The following XXYLT1 variants were observed in gnomAD, a reference collection of about 807,000 sequenced individuals.
XXYLT1 encodes the protein UDP-xylose:alpha-xyloside alpha-1,3-xylosyltransferase.
In XXYLT1, 20 loss-of-function variants were observed where a neutral mutation model predicts 28.9. The ratio of observed to expected loss-of-function variants is 0.69; its 90% CI spans 0.49 to 1.00. XXYLT1 has a LOEUF of 1.00. Among genes scored for constraint, XXYLT1 ranks in the 50% least tolerant of loss-of-function variants. The pLI is 0.00. For missense variants in XXYLT1, 542 were observed against 560.1 expected (o/e 0.97, Z 0.33); for synonymous variants, 257 against 253.8 (o/e 1.01, Z -0.12).
chr3:195,080,577 T>C (rs1715378290), intron 3 of XXYLT1, among the ~76,000 whole-genome samples: 1 of 151,690 alleles, frequency 6.6e-6, no homozygotes, highest in African/African-American at 2.4e-5. Context: ...TTTGTCAGAG[T>C]GAAGACAAAA....
At chr3:195,128,852 TG>T (rs748348143) in intron 3 of XXYLT1, among the ~76,000 whole-genome samples, 1 of 152,200 alleles carries the variant, frequency 6.6e-6, no homozygotes. Context: ...CTTAAAACAC[TG>T]GTACACAATA....
At chr3:195,139,421 T>G (rs1433925583) in intron 3 of XXYLT1, among the ~76,000 whole-genome samples, 1 of 152,218 alleles carries the variant, frequency 6.6e-6, no homozygotes, top group African/African-American at 2.4e-5. Flanking sequence ...ACATAAGGCC[T>G]GCTGCTTACG....
intron 2 of XXYLT1, among the ~76,000 whole-genome samples, chr3:195,170,759 C>G (rs1721365080): frequency 6.6e-6 from 1 of 152,152 alleles, no homozygotes; most frequent in Non-Finnish European, 1.5e-5. Flanking sequence ...AAGGAACCCA[C>G]TAAGCCAGAG....
chr3:195,162,264 G>A (rs1259889658), intron 2 of XXYLT1, among the ~76,000 whole-genome samples: 2 of 152,188 alleles, frequency 1.3e-5, no homozygotes, highest in Non-Finnish European at 2.9e-5. Context: ...GGGCTCCTGG[G>A]CAGCCAGGAT....
At chr3:195,244,699 G>A (rs1207401937) in intron 1 of XXYLT1, among the ~76,000 whole-genome samples, 31 of 143,996 alleles carry the variant, frequency 2.2e-4, no homozygotes, top group African/African-American at 6.3e-4. Flanking sequence ...GGGGCAGAGC[G>A]TGCAGTGAGC....
chr3:195,133,048 C>T lies in XXYLT1; in HGVS notation c.785+23401G>A, dbSNP rs1206191493. On this transcript the variant is annotated intron_variant, in intron 3 of 3. Coordinates refer to ENST00000310380, the MANE Select transcript of XXYLT1 (RefSeq NM_152531.5). The surrounding 1 kb of genome is among the most constrained non-coding windows in gnomAD (Gnocchi z 4.4). ...GTTCTAGTGAAACAAAAGCTTACAA[C>T]ATCATAAATAAAAAACCCTGCTTGG... is the stretch of plus-strand genomic sequence containing the variant. 6.6e-6 allele frequency among the ~76,000 whole-genome samples: 1 copy of T among 152,138 alleles called. No individual in the cohort carries two copies. Among genetic ancestry groups the T allele is most frequent in the African/African-American group, 2.4e-5 (1 of 41,414 alleles).
intron 3 of XXYLT1, among the ~76,000 whole-genome samples, chr3:195,125,923 C>T (rs960657538): frequency 1.3e-5 from 2 of 152,092 alleles, no homozygotes; most frequent in African/African-American, 4.8e-5. Context: ...AGGGAAGGTG[C>T]GGGCAGGAGC....
rs561275855 is a variant in XXYLT1, at chr3:195,150,838, A to T, written c.785+5611T>A. 2.3e-3 allele frequency among the ~76,000 whole-genome samples: 196 copies of T among 87,022 alleles called. No homozygotes were observed. Among genetic ancestry groups the T allele is most frequent in the East Asian group, 0.01 (9 of 894 alleles). 57.1% of individuals were successfully genotyped at this position (87,022 alleles called of 152,430 possible). A position where few individuals can be genotyped will look rare whatever the true frequency, so the allele number is the denominator to read the frequency against. On this transcript the variant is annotated intron_variant, in intron 3 of 3. Transcript: ENST00000310380. The surrounding 1 kb of genome is among the most constrained non-coding windows in gnomAD (Gnocchi z 4.7). ...TACACACACACTCACACATACGCACACTCTCTCACACACTCTCACACACAC... is the reference window on the plus strand; with the variant it reads ...TACACACACACTCACACATACGCACTCTCTCTCACACACTCTCACACACAC...
intron 1 of XXYLT1, among the ~76,000 whole-genome samples, chr3:195,268,161 G>A (rs1023601725): frequency 2.0e-5 from 3 of 152,090 alleles, no homozygotes; most frequent in African/African-American, 7.2e-5. Context: ...CAGGCGCGGT[G>A]GTTCACGCCT....
chr3:195,110,508 TGGTGTATGTGTGC>T (rs1455472172), intron 3 of XXYLT1, among the ~76,000 whole-genome samples: 59 of 26,918 alleles, frequency 2.2e-3, no homozygotes, highest in Admixed American at 4.2e-3. Flanking sequence ...GCATGGTGTG[TGGTGTATGTGTGC>T]GTGGTGTACG....
chr3:195,268,513 G>A (rs563521126), intron 1 of XXYLT1, among the ~76,000 whole-genome samples: 2 of 151,150 alleles, frequency 1.3e-5, no homozygotes, highest in African/African-American at 2.4e-5. Context: ...AGGCAGAATC[G>A]CTCGAACCCA....
intron 1 of XXYLT1, among the ~76,000 whole-genome samples, chr3:195,228,244 C>A (rs78890339): frequency 0.027 from 4,119 of 152,044 alleles, 179 homozygotes; most frequent in African/African-American, 0.093. Flanking sequence ...GCCACGTGAA[C>A]CCCTGACTGC....
chr3:195,098,625 G>A (rs2108673469), intron 3 of XXYLT1, among the ~76,000 whole-genome samples: 1 of 152,366 alleles, frequency 6.6e-6, no homozygotes, highest in East Asian at 1.9e-4. Context: ...TCTCTTCACA[G>A]TGGCAGAGGA....
intron 3 of XXYLT1, among the ~76,000 whole-genome samples, chr3:195,151,058 G>A (rs117335055): frequency 1.3e-5 from 2 of 152,102 alleles, no homozygotes; most frequent in East Asian, 3.9e-4. Flanking sequence ...GAGACCTTGA[G>A]GGCTGCCTCC....
chr3:195,078,686 G>A lies in XXYLT1; in HGVS notation c.786-8575C>T, dbSNP rs1002697826. The stretch of plus-strand genomic sequence containing the variant: ...AGACAGTACCTCAGTACCCCTCCAC[G>A]AAGTAGAGATGCATCCTGCTGCCAC... On this transcript the variant is annotated intron_variant, in intron 3 of 3. Transcript: ENST00000310380. The surrounding 1 kb of genome is among the most constrained non-coding windows in gnomAD (Gnocchi z 5.0). Among the ~76,000 whole-genome samples, 1 of 152,158 alleles carries A rather than the reference G, an allele frequency of 6.6e-6. No individual in the cohort carries two copies. Among genetic ancestry groups the A allele is most frequent in the African/African-American group, 2.4e-5 (1 of 41,496 alleles).
chr3:195,167,072 C>T (rs1049380675), intron 2 of XXYLT1, among the ~76,000 whole-genome samples: 6 of 152,226 alleles, frequency 3.9e-5, no homozygotes, highest in Non-Finnish European at 5.9e-5. Flanking sequence ...AGGAAAGCCA[C>T]GGAAGCCATA....
At chr3:195,137,304 A>G (rs2108640645) in intron 3 of XXYLT1, among the ~76,000 whole-genome samples, 1 of 152,214 alleles carries the variant, frequency 6.6e-6, no homozygotes, top group East Asian at 1.9e-4. Flanking sequence ...CCTTGACCCC[A>G]TATTGTTGGA....
At chr3:195,192,143 G>A (rs778425905) in intron 2 of XXYLT1, among the ~76,000 whole-genome samples, 1 of 152,174 alleles carries the variant, frequency 6.6e-6, no homozygotes, top group Non-Finnish European at 1.5e-5. Context: ...AATGTTTGAG[G>A]TCGGGTACAG....
intron 3 of XXYLT1, chr3:195,093,627 A>T (rs887988173): frequency 6.6e-6 from 1 of 151,682 alleles, no homozygotes; most frequent in Non-Finnish European, 1.5e-5. Flanking sequence ...ACATGTATAC[A>T]TATGTAACTA....
Sources: allele counts gnomAD v4.1 joint callset (sites outside exome capture counted in the v4.1 genomes callset), GRCh38; gene constraint gnomAD v4.1.1; non-coding constraint Gnocchi (gnomAD v3.1); transcripts MANE v1.5; gene names NCBI Gene and HGNC (gene_info 2026-07-23, HGNC 2026-07-21).